Variants in GPC5 observed in about 807,000 individuals in gnomAD.
The protein encoded by GPC5 is glypican 5, also known as glypican-5.
Under a neutral mutation model 53.9 loss-of-function variants are expected in GPC5, and 47 were observed. The ratio of observed to expected loss-of-function variants is 0.87; its 90% CI spans 0.69 to 1.11. The LOEUF is 1.11. Ranked by LOEUF, GPC5 falls within the 50% of genes most tolerant of loss-of-function variation. The pLI, the probability that GPC5 is intolerant of heterozygous loss-of-function variation, is 0.00. For synonymous variants in GPC5, 286 were observed against 263.3 expected (o/e 1.09, Z -0.84); for missense variants, 748 against 713.1 (o/e 1.05, Z -0.56).
intron 6 of GPC5, among the ~76,000 whole-genome samples, chr13:92,040,207 A>G (rs1458933184): frequency 6.6e-6 from 1 of 152,198 alleles, no homozygotes; most frequent in Non-Finnish European, 1.5e-5. Context: ...GGGCCACGGT[A>G]TGTGTGGAGT....
At chr13:91,993,220 AT>A (rs1210921721) in intron 6 of GPC5, among the ~76,000 whole-genome samples, 1 of 152,136 alleles carries the variant, frequency 6.6e-6, no homozygotes, top group Non-Finnish European at 1.5e-5. Flanking sequence ...CTACCTCTGA[AT>A]TATCTTCAAC....
intron 2 of GPC5, among the ~76,000 whole-genome samples, chr13:91,498,933 T>C (rs545131420): frequency 1.3e-5 from 2 of 151,552 alleles, no homozygotes; most frequent in Admixed American, 1.3e-4. Flanking sequence ...ATCTTACCAC[T>C]GCACTCCAGC....
At chr13:92,321,362 G>C (rs985899455) in intron 7 of GPC5, among the ~76,000 whole-genome samples, 1 of 152,236 alleles carries the variant, frequency 6.6e-6, no homozygotes, top group Non-Finnish European at 1.5e-5. Context: ...GGGAAGCCAA[G>C]GCGGGTGGAT....
At chr13:92,085,548 T>C (rs1468002325) in intron 6 of GPC5, among the ~76,000 whole-genome samples, 2 of 152,178 alleles carry the variant, frequency 1.3e-5, no homozygotes, top group Middle Eastern at 3.4e-3. Context: ...CTGGTGGTGG[T>C]GGGGATGGTT....
chr13:92,835,543 C>T (rs1049643978), intron 7 of GPC5, among the ~76,000 whole-genome samples: 1 of 151,974 alleles, frequency 6.6e-6, no homozygotes, highest in African/African-American at 2.4e-5. Context: ...ATATTTCATA[C>T]TATTATTGTA....
chr13:91,445,090 A>G (rs59646177), intron 1 of GPC5, among the ~76,000 whole-genome samples: 2,171 of 152,224 alleles, frequency 0.014, 61 homozygotes, highest in African/African-American at 0.05. Flanking sequence ...TCCCTTCTTC[A>G]CGGTTTCATG....
In GPC5 at chr13:92,111,172, C is replaced by G. The variant is rs576872619; in HGVS notation, c.1402-33658C>G. On this transcript the variant is annotated intron_variant, in intron 6 of 7. Coordinates refer to ENST00000377067, the MANE Select transcript of GPC5 (RefSeq NM_004466.6). ...CATGATATCACAAAACTAGCACTTC[C>G]TTCCTTTTCACTCTGCCATCCTTTA... Among the ~76,000 whole-genome samples the G allele has an allele frequency of 5.9e-5, 9 of 152,266 alleles. No homozygotes were observed. In the East Asian group the frequency reaches 1.7e-3, roughly 29 times the overall value.
intron 7 of GPC5, among the ~76,000 whole-genome samples, chr13:92,393,060 G>T (rs1875085731): frequency 6.6e-6 from 1 of 152,124 alleles, no homozygotes; most frequent in African/African-American, 2.4e-5. Context: ...CAGATTCCCA[G>T]AGGAATATAA....
chr13:91,918,360 T>C (rs746756176), intron 6 of GPC5, among the ~76,000 whole-genome samples: 1 of 152,174 alleles, frequency 6.6e-6, no homozygotes, highest in African/African-American at 2.4e-5. Context: ...TATTTTACTA[T>C]TTTATGAGAA....
chr13:91,949,265 G>C (rs762344663), intron 6 of GPC5, among the ~76,000 whole-genome samples: 5 of 152,176 alleles, frequency 3.3e-5, no homozygotes, highest in Non-Finnish European at 7.3e-5. Flanking sequence ...AAAATAAAAA[G>C]AGGCTGATGT....
At chr13:92,225,715 CAA>C (rs1594013677) in intron 7 of GPC5, among the ~76,000 whole-genome samples, 2 of 152,030 alleles carry the variant, frequency 1.3e-5, no homozygotes, top group South Asian at 2.1e-4. Context: ...AATATGAACT[CAA>C]GTTAGAGTTC....
intron 6 of GPC5, among the ~76,000 whole-genome samples, chr13:92,127,037 C>A (rs984588067): frequency 6.6e-6 from 1 of 151,062 alleles, no homozygotes; most frequent in East Asian, 1.9e-4. Flanking sequence ...TTTTTTTTTC[C>A]TAATGGTTAG....
intron 7 of GPC5, among the ~76,000 whole-genome samples, chr13:92,754,486 C>A (rs1290515091): frequency 1.3e-5 from 2 of 151,780 alleles, no homozygotes; most frequent in Non-Finnish European, 2.9e-5. Context: ...ACAATATTAA[C>A]TTTAAATGTA....
intron 5 of GPC5, among the ~76,000 whole-genome samples, chr13:91,819,741 T>C (rs1234503194): frequency 1.3e-5 from 2 of 152,194 alleles, no homozygotes; most frequent in African/African-American, 2.4e-5. Flanking sequence ...CACGTGCCTA[T>C]GTTTCTCTGC....
chr13:91,468,836 T>C (rs1882415108), intron 2 of GPC5, among the ~76,000 whole-genome samples: 1 of 151,888 alleles, frequency 6.6e-6, no homozygotes, highest in Non-Finnish European at 1.5e-5. Flanking sequence ...ATCTTTACTA[T>C]TCAATATTTA....
rs1441299083 is a variant in GPC5 at position 92,646,764 on chromosome 13, TTAA to T, written c.1562-219516_1562-219514del. Reference sequence around the variant, plus strand: ...TTTTACTAGATCTATTCTGAATAATTTAATGTTTTTGATGTATTGCAAATGGTA... The same window carrying T: ...TTTTACTAGATCTATTCTGAATAATTTGTTTTTGATGTATTGCAAATGGTA... On this transcript the variant is annotated intron_variant, in intron 7 of 7. Coordinates refer to ENST00000377067, the MANE Select transcript of GPC5 (RefSeq NM_004466.6). Among the ~76,000 whole-genome samples the T allele has an allele frequency of 1.5e-4, 23 of 151,752 alleles. 1 individual carries two copies. In the Admixed American group the frequency reaches 1.5e-3, roughly 10 times the overall value.
chr13:92,198,178 T>C (rs1309050811), intron 7 of GPC5, among the ~76,000 whole-genome samples: 1 of 152,162 alleles, frequency 6.6e-6, no homozygotes, highest in Non-Finnish European at 1.5e-5. Context: ...ATTATCCCAA[T>C]CTAAAAATGT....
chr13:91,531,371 G>GT lies in GPC5; in HGVS notation c.325+82457dup, dbSNP rs77144556. Among the ~76,000 whole-genome samples, 628 of 151,992 alleles carry GT rather than the reference G, an allele frequency of 4.1e-3. 4 individuals are homozygous for GT. Among genetic ancestry groups the GT allele is most frequent in the Non-Finnish European group, 7.6e-3 (519 of 67,948 alleles). On this transcript the variant is annotated intron_variant, in intron 2 of 7. Coordinates refer to ENST00000377067, the MANE Select transcript of GPC5 (RefSeq NM_004466.6). Reference sequence around the variant, plus strand: ...TGTGGATAAAGCGAAGAACATAGGGGTTTTTTTTCCTATAAAAATTCATGG... The same window carrying GT: ...TGTGGATAAAGCGAAGAACATAGGGGTTTTTTTTTCCTATAAAAATTCATGG...
At chr13:92,109,241 T>C (rs763604755) in intron 6 of GPC5, among the ~76,000 whole-genome samples, 1 of 151,638 alleles carries the variant, frequency 6.6e-6, no homozygotes, top group Non-Finnish European at 1.5e-5. Context: ...TCCTTTTTAT[T>C]TTTTTTGTGC....
Sources: allele counts gnomAD v4.1 joint callset (sites outside exome capture counted in the v4.1 genomes callset), GRCh38; gene constraint gnomAD v4.1.1; transcripts MANE v1.5; gene names NCBI Gene and HGNC (gene_info 2026-07-23, HGNC 2026-07-21).